Variants in PPP2R5E observed in about 807,000 individuals in gnomAD.
PPP2R5E encodes the protein protein phosphatase 2 regulatory subunit B'epsilon.
A neutral mutation model predicts 65.3 loss-of-function variants in PPP2R5E; 4 were observed. The observed-to-expected ratio is 0.06, with a 90% CI of 0.03 to 0.14. The LOEUF (loss-of-function observed/expected upper bound fraction) is 0.14, where lower values mean the gene tolerates loss of function less well. Among genes scored for constraint, PPP2R5E ranks in the 10% least tolerant of loss-of-function variants. The pLI, the probability that PPP2R5E is intolerant of heterozygous loss-of-function variation, is 1.00. For missense variants in PPP2R5E, 274 were observed against 556.1 expected, an observed-to-expected ratio of 0.49 and a Z score of 5.10; for synonymous variants, 183 against 187.4, an observed-to-expected ratio of 0.98 and a Z score of 0.19.
At chr14:63,509,419 A>G (rs8017413) in intron 2 of PPP2R5E, among the ~76,000 whole-genome samples, 20,399 of 151,444 alleles carry the variant, frequency 0.13, 1,498 homozygotes, top group African/African-American at 0.17. Flanking sequence ...GATTACAGAT[A>G]CGCACCACCA....
chr14:63,442,413 T>C (rs548590408), intron 3 of PPP2R5E, among the ~76,000 whole-genome samples: 2 of 142,700 alleles, frequency 1.4e-5, no homozygotes, highest in African/African-American at 5.1e-5. Context: ...TTGCTATTAA[T>C]GCATATCTAC....
rs112704969 is a variant in PPP2R5E, at chr14:63,461,343, GA to G, written c.158-7459del. Among the ~76,000 whole-genome samples, 452 of 136,652 alleles carry G rather than the reference GA, an allele frequency of 3.3e-3. 4 individuals are homozygous for G. The highest frequency in any genetic ancestry group is 0.011 in the African/African-American group (358 of 32,758). The allele number at this position is 136,652 out of a possible 152,430, so 89.6% of individuals were successfully genotyped here. A position where few individuals can be genotyped will look rare whatever the true frequency, so the allele number is the denominator to read the frequency against. ...GATGTTACGTGCCAGTAAAATTACA[GA>G]AAAAAAAAAAGCAGTTTGTCAATTT... On this transcript the variant is annotated intron_variant, in intron 2 of 13. Coordinates refer to ENST00000337537, the MANE Select transcript of PPP2R5E (RefSeq NM_006246.5).
At chr14:63,460,477 T>C (rs1889394707) in intron 2 of PPP2R5E, among the ~76,000 whole-genome samples, 2 of 152,228 alleles carry the variant, frequency 1.3e-5, no homozygotes, top group African/African-American at 2.4e-5. Context: ...TCCATTGCTA[T>C]GGTTAGTTAT....
At chr14:63,379,390 G>A (rs187430887) in intron 13 of PPP2R5E, among the ~76,000 whole-genome samples, 70 of 152,200 alleles carry the variant, frequency 4.6e-4, no homozygotes, top group African/African-American at 1.6e-3. Flanking sequence ...TCCTGCCTCA[G>A]CCTCCTGAGT....
rs1489023713 is a variant in PPP2R5E at position 63,374,453 on chromosome 14, C to G, written c.*1556G>C. On this transcript the variant is annotated 3_prime_UTR_variant, in exon 14 of 14. Coordinates refer to ENST00000337537, the MANE Select transcript of PPP2R5E (RefSeq NM_006246.5). ...AAGTGATGGTTTAGGATTACCAACT[C>G]ACTGCTGCCATGACCAAAACAAGCA... The G allele has an allele frequency of 6.6e-6, 1 of 151,680 alleles. No individual in the cohort carries two copies. Among genetic ancestry groups the G allele is most frequent in the Admixed American group, 6.6e-5 (1 of 15,220 alleles). The allele number at this position is 151,680 out of a possible 1,614,324, so 9.4% of individuals were successfully genotyped here.
chr14:63,476,744 G>C (rs1325794808), intron 2 of PPP2R5E, among the ~76,000 whole-genome samples: 1 of 151,920 alleles, frequency 6.6e-6, no homozygotes, highest in Non-Finnish European at 1.5e-5. Flanking sequence ...GATTTTTAAG[G>C]CCTTTAGATC....
At chr14:63,438,881 T>C (rs1888067083) in intron 3 of PPP2R5E, among the ~76,000 whole-genome samples, 1 of 151,982 alleles carries the variant, frequency 6.6e-6, no homozygotes, top group Non-Finnish European at 1.5e-5. Context: ...GGGACGTGAA[T>C]ATGCAAGTAT....
At chr14:63,519,568 G>A (rs540461373) in intron 2 of PPP2R5E, among the ~76,000 whole-genome samples, 1 of 150,858 alleles carries the variant, frequency 6.6e-6, no homozygotes, top group South Asian at 2.1e-4. Flanking sequence ...TGGCCAGGGG[G>A]GTCTCGAACT....
At chr14:63,534,412 A>C (rs1275628044) in intron 2 of PPP2R5E, among the ~76,000 whole-genome samples, 1 of 151,936 alleles carries the variant, frequency 6.6e-6, no homozygotes, top group Non-Finnish European at 1.5e-5. Flanking sequence ...TTATAGATGC[A>C]CACCACTACA....
chr14:63,428,050 A>C (rs1887435126), intron 3 of PPP2R5E, among the ~76,000 whole-genome samples: 1 of 151,748 alleles, frequency 6.6e-6, no homozygotes, highest in Non-Finnish European at 1.5e-5. Context: ...CTCCTTTCTC[A>C]TCAGCTCCTT....
intron 11 of PPP2R5E, 33 bp from the exon 12 acceptor site, chr14:63,384,604 G>C: frequency 6.5e-7 from 1 of 1,542,370 alleles, no homozygotes; most frequent in Non-Finnish European, 8.8e-7. Context: ...TGTTAAGAGA[G>C]AGAAAAAGAC....
At chr14:63,453,953 A>C in intron 2 of PPP2R5E, 68 bp from the exon 3 acceptor site, 1 of 1,249,556 alleles carries the variant, frequency 8.0e-7, no homozygotes. Context: ...TCTCTGTGAA[A>C]GTTACTTCAA....
chr14:63,377,124 G>A (rs546602883), intron 13 of PPP2R5E, among the ~76,000 whole-genome samples: 22 of 151,840 alleles, frequency 1.4e-4, no homozygotes, highest in Admixed American at 1.3e-3. Context: ...ACTCCAGTCT[G>A]GGGGACAGAG....
intron 2 of PPP2R5E, among the ~76,000 whole-genome samples, chr14:63,513,320 A>G (rs1274222576): frequency 6.6e-6 from 1 of 152,222 alleles, no homozygotes; most frequent in African/African-American, 2.4e-5. Context: ...AGGATAGACT[A>G]AGTCTTATCA....
chr14:63,415,962 A>G (rs1886662559), intron 4 of PPP2R5E, among the ~76,000 whole-genome samples: 2 of 152,218 alleles, frequency 1.3e-5, no homozygotes, highest in Admixed American at 1.3e-4. Context: ...CTCACTGACA[A>G]ATTTCTTTTC....
chr14:63,441,636 G>A (rs1566704861), intron 3 of PPP2R5E, among the ~76,000 whole-genome samples: 2 of 152,304 alleles, frequency 1.3e-5, no homozygotes, highest in East Asian at 1.9e-4. Context: ...ACACAGCAGG[G>A]CGCGGTGGTT....
At chr14:63,468,542 GACAA>G (rs962120262) in intron 2 of PPP2R5E, among the ~76,000 whole-genome samples, 1 of 152,172 alleles carries the variant, frequency 6.6e-6, no homozygotes, top group African/African-American at 2.4e-5. Flanking sequence ...AAGAATGAAT[GACAA>G]ACAGAGCATC....
intron 2 of PPP2R5E, among the ~76,000 whole-genome samples, chr14:63,484,343 T>TCACA (rs1156834992): frequency 7.5e-6 from 1 of 133,272 alleles, no homozygotes; most frequent in African/African-American, 3.1e-5. Flanking sequence ...TTTCTCTCTC[T>TCACA]CTCTCACACA....
chr14:63,461,769 T>C (rs1328372854), intron 2 of PPP2R5E, among the ~76,000 whole-genome samples: 3 of 151,924 alleles, frequency 2.0e-5, no homozygotes, highest in African/African-American at 7.3e-5. Flanking sequence ...TACTCCACCC[T>C]AGATAATAGT....
Sources: allele counts gnomAD v4.1 joint callset (sites outside exome capture counted in the v4.1 genomes callset), GRCh38; gene constraint gnomAD v4.1.1; transcripts MANE v1.5; gene names NCBI Gene and HGNC (gene_info 2026-07-23, HGNC 2026-07-21).